The following MYOCD variants were observed in gnomAD, a reference collection of about 807,000 sequenced individuals.
The protein encoded by MYOCD is myocardin.
MYOCD carries 32 observed loss-of-function variants against 96.1 expected under a neutral mutation model. The ratio of observed to expected loss-of-function variants is 0.33; its 90% CI spans 0.25 to 0.45. MYOCD has a LOEUF of 0.45. MYOCD is among the 20% of genes least tolerant of loss of function. The pLI, the probability that MYOCD is intolerant of heterozygous loss-of-function variation, is 1.00. For missense variants in MYOCD, 1,133 were observed against 1,200.6 expected (o/e 0.94, Z 0.83); for synonymous variants, 469 against 469.0 (o/e 1.00, Z 0.00).
chr17:12,684,493 T>C (rs1338097030), intron 1 of MYOCD, among the ~76,000 whole-genome samples: 2 of 152,166 alleles, frequency 1.3e-5, no homozygotes, highest in African/African-American at 4.8e-5. Context: ...ACACTACATA[T>C]TTTGTGGAGC....
At chr17:12,737,637 C>A (rs1327952853) in intron 6 of MYOCD, among the ~76,000 whole-genome samples, 1 of 152,228 alleles carries the variant, frequency 6.6e-6, no homozygotes, top group Non-Finnish European at 1.5e-5. Flanking sequence ...GACCCTCAGC[C>A]CCTTCCCTTT....
At chr17:12,728,528 G>T (rs1198943605) in intron 5 of MYOCD, among the ~76,000 whole-genome samples, 1 of 152,118 alleles carries the variant, frequency 6.6e-6, no homozygotes, top group Non-Finnish European at 1.5e-5. Context: ...TGCCCAGGCT[G>T]GAGTGCAATG....
intron 1 of MYOCD, 65 bp downstream of exon 1, chr17:12,666,308 C>T: frequency 8.5e-7 from 1 of 1,182,356 alleles, no homozygotes; most frequent in African/African-American, 1.5e-5. Flanking sequence ...AACTCTAGAA[C>T]TGCTTTCCAA....
chr17:12,754,003 C>G (rs1415447545), intron 10 of MYOCD, among the ~76,000 whole-genome samples: 1 of 151,722 alleles, frequency 6.6e-6, no homozygotes, highest in Non-Finnish European at 1.5e-5. Context: ...TAAACAATTT[C>G]AAAGTTAATT....
chr17:12,751,585 C>A (rs950003233), intron 9 of MYOCD, among the ~76,000 whole-genome samples: 1 of 152,168 alleles, frequency 6.6e-6, no homozygotes, highest in African/African-American at 2.4e-5. Flanking sequence ...TATTGCACAA[C>A]AATTTGCCAG....
At chr17:12,759,515 A>G (rs2033110175) in intron 12 of MYOCD, among the ~76,000 whole-genome samples, 1 of 152,188 alleles carries the variant, frequency 6.6e-6, no homozygotes, top group Admixed American at 6.5e-5. Flanking sequence ...CATATTGATT[A>G]CCGATACCTA....
chr17:12,711,991 T>G (rs1258726427), intron 2 of MYOCD, among the ~76,000 whole-genome samples: 1 of 151,076 alleles, frequency 6.6e-6, no homozygotes, highest in Non-Finnish European at 1.5e-5. Flanking sequence ...TGGCGCGATC[T>G]TGGCTCACTG....
chr17:12,713,330 A>T (rs1189523823), intron 2 of MYOCD, among the ~76,000 whole-genome samples: 2 of 152,178 alleles, frequency 1.3e-5, no homozygotes, highest in East Asian at 3.9e-4. Flanking sequence ...GTTTCTTAGA[A>T]CAATTAATAA....
At chr17:12,713,956 TG>T (rs1178113043) in intron 2 of MYOCD, among the ~76,000 whole-genome samples, 3 of 152,144 alleles carry the variant, frequency 2.0e-5, no homozygotes, top group African/African-American at 7.2e-5. Flanking sequence ...CAAAGATAAC[TG>T]AAAAACAATT....
At chr17:12,736,450 G>A in intron 6 of MYOCD, 114 bp downstream of exon 6, 1 of 1,072,682 alleles carries the variant, frequency 9.3e-7, no homozygotes, top group Non-Finnish European at 1.3e-6. Flanking sequence ...ATGCAGAGAT[G>A]TCCCTGGCTG....
intron 1 of MYOCD, among the ~76,000 whole-genome samples, chr17:12,669,245 A>C (rs138752458): frequency 1.8e-3 from 275 of 152,294 alleles, no homozygotes; most frequent in African/African-American, 6.2e-3. Context: ...TATGTGTGCC[A>C]CACACAGGCA....
chr17:12,721,070 T>G (rs547807968), intron 4 of MYOCD, among the ~76,000 whole-genome samples: 1 of 150,838 alleles, frequency 6.6e-6, no homozygotes, highest in Non-Finnish European at 1.5e-5. Context: ...GGGATTTTCC[T>G]GAAGCCTTCA....
chr17:12,726,268 C>T (rs1014840076), intron 5 of MYOCD, among the ~76,000 whole-genome samples: 2 of 152,146 alleles, frequency 1.3e-5, no homozygotes, highest in Admixed American at 1.3e-4. Flanking sequence ...GAGACTGCCC[C>T]TGTCACTACT....
At chr17:12,674,440 G>A (rs991798025) in intron 1 of MYOCD, among the ~76,000 whole-genome samples, 6 of 152,036 alleles carry the variant, frequency 3.9e-5, no homozygotes, top group African/African-American at 1.4e-4. Flanking sequence ...AGTCCCAGGG[G>A]TTTTAATAAA....
chr17:12,745,247 T>C (rs957382625), intron 8 of MYOCD, among the ~76,000 whole-genome samples: 1 of 152,166 alleles, frequency 6.6e-6, no homozygotes, highest in Non-Finnish European at 1.5e-5. Flanking sequence ...TTCACTCTTG[T>C]TGCCCAGGCT....
chr17:12,666,106 G>A lies in MYOCD; in HGVS notation c.-83G>A. 3.9e-6 allele frequency: 4 copies of A among 1,028,070 alleles called. No homozygotes were observed. The highest frequency in any genetic ancestry group is 6.1e-6 in the Non-Finnish European group (4 of 655,584). The allele number at this position is 1,028,070 out of a possible 1,614,324, so 63.7% of individuals were successfully genotyped here. A position where few individuals can be genotyped will look rare whatever the true frequency, so the allele number is the denominator to read the frequency against. On this transcript the variant is annotated 5_prime_UTR_variant, in exon 1 of 14. Coordinates refer to ENST00000425538, the MANE Select transcript of MYOCD (RefSeq NM_001146312.3). ...GATGAATTCTGGGTTGTTAGCTGCGGTCAGCTGGGCTCCCGGGAGCCTGTT... is the reference window on the plus strand; with the variant it reads ...GATGAATTCTGGGTTGTTAGCTGCGATCAGCTGGGCTCCCGGGAGCCTGTT...
Position 12,746,025 on chromosome 17 carries a change from T to C in MYOCD, c.1078T>C (p.Ser360Pro). 1 of 1,614,206 alleles carries C rather than the reference T, an allele frequency of 6.2e-7. No homozygotes were observed. The highest frequency in any genetic ancestry group is 8.5e-7 in the Non-Finnish European group (1 of 1,180,024). ...KNSFSGQTGVSSFKPGPLPPN... is the reference protein window; with the variant it reads ...KNSFSGQTGVPSFKPGPLPPN... The stretch of plus-strand genomic sequence containing the variant: ...CAGTTTTTCTGGACAAACTGGTGTC[T>C]CTTCTTTCAAACCAGGCCCACTCCC... The change falls in exon 9 of 14, where the codon TCT becomes CCT. Residue 360 changes from serine to proline, a missense_variant. Coordinates refer to ENST00000425538, the MANE Select transcript of MYOCD (RefSeq NM_001146312.3).
rs2031739330 is a variant in MYOCD, at chr17:12,719,159, A to T, written c.253+1738A>T. 2.4e-5 allele frequency among the ~76,000 whole-genome samples: 3 copies of T among 123,574 alleles called. No homozygotes were observed. In the Admixed American group the frequency reaches 2.8e-4, roughly 12 times the overall value. The allele number at this position is 123,574 out of a possible 152,430, so 81.1% of individuals were successfully genotyped here. On this transcript the variant is annotated intron_variant, in intron 4 of 13. Transcript: ENST00000425538. ...CACCGCACTCCAGCCGGGGCCACAG[A>T]GGGAGACTCTGTCTCAAAAAAAAAA...
rs576232619 is a variant in MYOCD at position 12,754,623 on chromosome 17, A to G, written c.2058+1277A>G. Among the ~76,000 whole-genome samples the G allele has an allele frequency of 7.3e-4, 111 of 152,336 alleles. 1 individual carries two copies. In the South Asian group the frequency reaches 0.012, roughly 16 times the overall value. ...AAGTGGTCATAGGAGATGGCTTAGA[A>G]GACTCACTAACTCAAAGACTAGGCA... On this transcript the variant is annotated intron_variant, in intron 10 of 13. Transcript: ENST00000425538.
Sources: gnomAD v4.1 joint callset for allele counts (sites outside exome capture counted in the v4.1 genomes callset) on GRCh38, gnomAD v4.1.1 for gene constraint, MANE v1.5 for transcripts, NCBI Gene and HGNC (gene_info 2026-07-23, HGNC 2026-07-21) for gene names.